Variants in SH3RF3 observed in about 807,000 individuals in gnomAD.
SH3RF3 encodes SH3 domain containing ring finger 3.
A neutral mutation model predicts 66.3 loss-of-function variants in SH3RF3; 29 were observed. The observed-to-expected ratio is 0.44, with a 90% CI of 0.33 to 0.60. The LOEUF (loss-of-function observed/expected upper bound fraction) is 0.60. SH3RF3 is among the 20% of genes least tolerant of loss of function. The probability of loss-of-function intolerance (pLI) is 0.04; values close to 1 mark genes in which losing one functional copy is unlikely to be tolerated. For synonymous variants in SH3RF3, 583 were observed against 532.0 expected, an observed-to-expected ratio of 1.10 and a Z score of -1.32; for missense variants, 1,194 against 1,190.9, an observed-to-expected ratio of 1.00 and a Z score of -0.04.
rs555009235 is a variant in SH3RF3 at position 109,253,444 on chromosome 2, G to C, written c.574-94230G>C. Among the ~76,000 whole-genome samples the C allele has an allele frequency of 7.9e-5, 12 of 152,180 alleles. 1 individual carries two copies. The highest frequency in any genetic ancestry group is 2.9e-5 in the Non-Finnish European group (2 of 68,036). On this transcript the variant is annotated intron_variant, in intron 1 of 9. Coordinates refer to ENST00000309415, the MANE Select transcript of SH3RF3 (RefSeq NM_001099289.3). ...TTTCAGGACGTGGGCGCTGCTTTCC[G>C]GGTGGGCTGGTGAGGGCATTTTTTG...
chr2:109,333,104 C>T (rs1187750923), intron 1 of SH3RF3, among the ~76,000 whole-genome samples: 2 of 152,202 alleles, frequency 1.3e-5, no homozygotes, highest in Non-Finnish European at 2.9e-5. Flanking sequence ...CAGTGCGTTC[C>T]AGGAGAGACC....
intron 1 of SH3RF3, among the ~76,000 whole-genome samples, chr2:109,227,398 C>G (rs1318478669): frequency 6.6e-6 from 1 of 152,196 alleles, no homozygotes; most frequent in Non-Finnish European, 1.5e-5. Flanking sequence ...ATTTCTGTAA[C>G]CAGCTGTTCT....
chr2:109,186,556 C>G (rs1574492747), intron 1 of SH3RF3, among the ~76,000 whole-genome samples: 1 of 152,342 alleles, frequency 6.6e-6, no homozygotes, highest in South Asian at 2.1e-4. Context: ...TTTGACATTT[C>G]CAGCAACCAG....
intron 8 of SH3RF3, among the ~76,000 whole-genome samples, chr2:109,474,964 G>T (rs10779901): frequency 0.62 from 94,316 of 151,666 alleles, 29,609 homozygotes; most frequent in African/African-American, 0.7. Context: ...TTTTGTTTGG[G>T]TTTTTTTTGT....
At chr2:109,328,959 G>GCCACGTCCTTCCTC (rs1392971760) in intron 1 of SH3RF3, among the ~76,000 whole-genome samples, 24 of 152,146 alleles carry the variant, frequency 1.6e-4, no homozygotes, top group African/African-American at 5.6e-4. Context: ...GACAAGCTTG[G>GCCACGTCCTTCCTC]CCACGTCCTT....
chr2:109,440,324 G>A (rs11677378), intron 7 of SH3RF3, among the ~76,000 whole-genome samples: 3,686 of 152,294 alleles, frequency 0.024, 53 homozygotes, highest in Non-Finnish European at 0.037. Context: ...GAGGCCAGGG[G>A]CCCATGGACG....
At chr2:109,362,183 C>T (rs892970526) in intron 2 of SH3RF3, among the ~76,000 whole-genome samples, 3 of 152,020 alleles carry the variant, frequency 2.0e-5, no homozygotes, top group Admixed American at 2.0e-4. Flanking sequence ...TCCTTCTTTT[C>T]TAATCGATGC....
chr2:109,331,991 G>A (rs188567434), intron 1 of SH3RF3, among the ~76,000 whole-genome samples: 7 of 152,318 alleles, frequency 4.6e-5, no homozygotes, highest in Non-Finnish European at 1.0e-4. Flanking sequence ...GTGACTAGTC[G>A]TGGATGCCGG....
At chr2:109,406,930 G>A (rs756663480) in intron 4 of SH3RF3, among the ~76,000 whole-genome samples, 21 of 152,362 alleles carry the variant, frequency 1.4e-4, no homozygotes, top group South Asian at 8.3e-4. Flanking sequence ...GTCCCCAGGT[G>A]CCACTTCCCT....
At chr2:109,261,267 A>G (rs1013906325) in intron 1 of SH3RF3, among the ~76,000 whole-genome samples, 1 of 152,144 alleles carries the variant, frequency 6.6e-6, no homozygotes, top group African/African-American at 2.4e-5. Flanking sequence ...GAACAAAGCA[A>G]TGATGTGGAG....
intron 1 of SH3RF3, among the ~76,000 whole-genome samples, chr2:109,197,185 T>C (rs938048083): frequency 2.0e-5 from 3 of 152,098 alleles, no homozygotes; most frequent in Non-Finnish European, 4.4e-5. Flanking sequence ...AGGAAGGCGG[T>C]AGTCTTGTTG....
chr2:109,216,970 G>A (rs1193053829), intron 1 of SH3RF3, among the ~76,000 whole-genome samples: 1 of 152,080 alleles, frequency 6.6e-6, no homozygotes, highest in Non-Finnish European at 1.5e-5. Flanking sequence ...CCAGGCCCTG[G>A]CACCCACTCT....
chr2:109,188,605 G>C (rs1373534911), intron 1 of SH3RF3, among the ~76,000 whole-genome samples: 2 of 152,200 alleles, frequency 1.3e-5, no homozygotes, highest in African/African-American at 2.4e-5. Context: ...TCCGGCAGCA[G>C]TTTGCCTATG....
At chr2:109,357,007 A>G (rs1682959093) in intron 2 of SH3RF3, among the ~76,000 whole-genome samples, 1 of 152,082 alleles carries the variant, frequency 6.6e-6, no homozygotes, top group African/African-American at 2.4e-5. Context: ...TGAATGCAAC[A>G]TTCAAGGCAT....
chr2:109,399,079 G>T (rs1457599466), intron 4 of SH3RF3, 136 bp downstream of exon 4: 3 of 1,037,950 alleles, frequency 2.9e-6, no homozygotes, highest in East Asian at 2.6e-5. Flanking sequence ...AGTGGGGTTT[G>T]CCCTTTGCTG....
chr2:109,384,809 T>A (rs1164739318), intron 3 of SH3RF3, among the ~76,000 whole-genome samples: 13 of 152,208 alleles, frequency 8.5e-5, no homozygotes, highest in Non-Finnish European at 1.5e-5. Context: ...CCCCTGGGGA[T>A]GTGGGCAGAA....
intron 3 of SH3RF3, among the ~76,000 whole-genome samples, chr2:109,393,815 T>A (rs907374521): frequency 6.6e-6 from 1 of 151,988 alleles, no homozygotes; most frequent in Non-Finnish European, 1.5e-5. Flanking sequence ...CCCACACCAC[T>A]GCTCTTCTTT....
intron 8 of SH3RF3, among the ~76,000 whole-genome samples, chr2:109,480,837 G>T (rs1678816665): frequency 6.6e-6 from 1 of 152,178 alleles, no homozygotes; most frequent in Admixed American, 6.5e-5. Flanking sequence ...ATGGAGGGCG[G>T]TTCGCTGTTC....
chr2:109,254,650 G>C (rs912409124), intron 1 of SH3RF3, among the ~76,000 whole-genome samples: 3 of 152,114 alleles, frequency 2.0e-5, no homozygotes, highest in African/African-American at 7.2e-5. Flanking sequence ...TCTTCTGCTG[G>C]GTTTCACTTC....
Sources: allele counts gnomAD v4.1 joint callset (sites outside exome capture counted in the v4.1 genomes callset), GRCh38; gene constraint gnomAD v4.1.1; transcripts MANE v1.5; gene names NCBI Gene and HGNC (gene_info 2026-07-23, HGNC 2026-07-21).